GRXCR2: variants seen among roughly 807,000 people sequenced by gnomAD.
GRXCR2 encodes the protein glutaredoxin domain-containing cysteine-rich protein 2.
Under a neutral mutation model 24.8 loss-of-function variants are expected in GRXCR2, and 23 were observed. The ratio of observed to expected loss-of-function variants is 0.93; its 90% CI spans 0.67 to 1.32. GRXCR2 has a LOEUF of 1.32. Among genes scored for constraint, GRXCR2 ranks in the 40% most tolerant of loss-of-function variants. GRXCR2 has a pLI of 0.00. For synonymous variants in GRXCR2, 130 were observed against 116.1 expected, an observed-to-expected ratio of 1.12 and a Z score of -0.77; for missense variants, 315 against 303.4, an observed-to-expected ratio of 1.04 and a Z score of -0.28.
intron 2 of GRXCR2, among the ~76,000 whole-genome samples, chr5:145,922,004 A>G (rs1182723042): frequency 6.6e-6 from 1 of 152,248 alleles, no homozygotes; most frequent in Non-Finnish European, 1.5e-5. Context: ...TGTCAAAAAT[A>G]TATAAACAGC....
chr5:145,887,465 T>C lies in GRXCR2; in HGVS notation c.-69-20737A>G, dbSNP rs141211524. 6.6e-3 allele frequency among the ~76,000 whole-genome samples: 1,010 copies of C among 152,334 alleles called. 10 individuals carry two copies. Among genetic ancestry groups the C allele is most frequent in the Non-Finnish European group, 8.1e-3 (548 of 68,030 alleles). Reference sequence around the variant, plus strand: ...CATTATGGAACTTTGTGGAAACATTTATTTTTTAGTACTGTACTCAAAATG... The same window carrying C: ...CATTATGGAACTTTGTGGAAACATTCATTTTTTAGTACTGTACTCAAAATG... On this transcript the variant is annotated intron_variant, in intron 2 of 3. Coordinates refer to the GRXCR2 transcript ENST00000639411.
chr5:145,890,764 CAT>C (rs373853540), intron 2 of GRXCR2, among the ~76,000 whole-genome samples: 88 of 151,374 alleles, frequency 5.8e-4, no homozygotes, highest in African/African-American at 1.9e-3. Flanking sequence ...CAAAATTTCA[CAT>C]GTTAATATTA....
upstream of GRXCR2, among the ~76,000 whole-genome samples, chr5:145,876,191 G>GTA (rs748811333): frequency 0.047 from 4,941 of 105,148 alleles, 226 homozygotes; most frequent in African/African-American, 0.12. Flanking sequence ...GTGTGTGTGT[G>GTA]TATATATATA....
rs1451130242 is a variant in GRXCR2 at position 145,859,551 on chromosome 5, C to CCA, written c.*180_*181dup. The CCA allele has an allele frequency of 2.9e-5, 18 of 615,700 alleles. No homozygotes were observed. Among genetic ancestry groups the CCA allele is most frequent in the Non-Finnish European group, 4.7e-5 (16 of 340,980 alleles). The allele number at this position is 615,700 out of a possible 1,614,324, so 38.1% of individuals were successfully genotyped here. A position where few individuals can be genotyped will look rare whatever the true frequency, so the allele number is the denominator to read the frequency against. On this transcript the variant is annotated 3_prime_UTR_variant, in exon 3 of 3. Transcript: ENST00000377976. ...TCAGAAATGCCCCTGCCACTTAGAC[C>CCA]CACAGAGAGATGTTACCGGCCTCAC...
intron 2 of GRXCR2, among the ~76,000 whole-genome samples, chr5:145,862,243 C>T (rs955995279): frequency 2.6e-5 from 4 of 152,178 alleles, no homozygotes; most frequent in African/African-American, 9.7e-5. Context: ...AACGCCAGAT[C>T]AGATATTGAA....
At chr5:145,862,012 A>G (rs1756347712) in intron 2 of GRXCR2, among the ~76,000 whole-genome samples, 1 of 152,236 alleles carries the variant, frequency 6.6e-6, no homozygotes, top group African/African-American at 2.4e-5. Context: ...GTATATTAAC[A>G]ATGGAGAATT....
intron 2 of GRXCR2, among the ~76,000 whole-genome samples, chr5:145,918,130 T>C (rs1757266145): frequency 6.6e-6 from 1 of 152,236 alleles, no homozygotes; most frequent in Non-Finnish European, 1.5e-5. Context: ...CCAGTTCCCG[T>C]GATTGCCACT....
chr5:145,877,189 GA>G (rs1262779796), upstream of GRXCR2, among the ~76,000 whole-genome samples: 3 of 151,382 alleles, frequency 2.0e-5, no homozygotes, highest in Non-Finnish European at 4.4e-5. Flanking sequence ...TTCATACTGG[GA>G]AAAAAATTGA....
intron 2 of GRXCR2, among the ~76,000 whole-genome samples, chr5:145,890,957 A>C (rs1332220506): frequency 6.6e-6 from 1 of 152,214 alleles, no homozygotes; most frequent in Non-Finnish European, 1.5e-5. Context: ...GAAATCAAGA[A>C]AAAGCAGGAG....
upstream of GRXCR2, among the ~76,000 whole-genome samples, chr5:145,875,333 G>A (rs536324955): frequency 5.3e-5 from 8 of 152,274 alleles, no homozygotes; most frequent in East Asian, 1.4e-3. Context: ...GGTGGATCAC[G>A]AGGTCAAGAG....
Position 145,898,067 on chromosome 5 carries a change from A to G in GRXCR2, c.-69-31339T>C, listed in dbSNP as rs373280756. 5.7e-4 allele frequency among the ~76,000 whole-genome samples: 86 copies of G among 152,160 alleles called. 3 individuals carry two copies. The South Asian group carries it at 0.017, about 30-fold the overall frequency. On this transcript the variant is annotated intron_variant, in intron 2 of 3. Transcript: ENST00000639411. ...ATAAACAAGACTGATAGACACTACT[A>G]GCTAGGTTGACAGAGAGAAAGAGAG...
chr5:145,859,001 C>T lies in GRXCR2; in HGVS notation c.*732G>A, dbSNP rs1756285367. The T allele has an allele frequency of 6.6e-6, 1 of 152,244 alleles. No individual in the cohort carries two copies. The highest frequency in any genetic ancestry group is 2.1e-4 in the South Asian group (1 of 4,834). The allele number at this position is 152,244 out of a possible 1,614,324, so 9.4% of individuals were successfully genotyped here. A position where few individuals can be genotyped will look rare whatever the true frequency, so the allele number is the denominator to read the frequency against. On this transcript the variant is annotated 3_prime_UTR_variant, in exon 3 of 3. Coordinates refer to ENST00000377976, the MANE Select transcript of GRXCR2 (RefSeq NM_001080516.2). ...GCTCGAAGAAGTTATATCATACACA[C>T]ATATTTGAGCACCAAATTTATCATA... is the stretch of plus-strand genomic sequence containing the variant.
chr5:145,892,425 G>C (rs889183270), intron 2 of GRXCR2, among the ~76,000 whole-genome samples: 1 of 152,166 alleles, frequency 6.6e-6, no homozygotes, highest in Non-Finnish European at 1.5e-5. Context: ...AACCAATGCA[G>C]AGAAGTCCTT....
intron 2 of GRXCR2, among the ~76,000 whole-genome samples, chr5:145,863,747 C>A (rs1298335624): frequency 6.6e-6 from 1 of 152,132 alleles, no homozygotes; most frequent in African/African-American, 2.4e-5. Context: ...ATCTTCCCTC[C>A]TCTGCCTGGG....
At chr5:145,893,106 C>A (rs1432976102) in intron 2 of GRXCR2, among the ~76,000 whole-genome samples, 1 of 152,152 alleles carries the variant, frequency 6.6e-6, no homozygotes, top group African/African-American at 2.4e-5. Context: ...ACCACCAGGC[C>A]TGCCTTACAA....
intron 2 of GRXCR2, among the ~76,000 whole-genome samples, chr5:145,897,885 A>G (rs1350173486): frequency 6.6e-6 from 1 of 152,154 alleles, no homozygotes; most frequent in Non-Finnish European, 1.5e-5. Context: ...TCAAATTAAC[A>G]ATCTAACATC....
intron 2 of GRXCR2, among the ~76,000 whole-genome samples, chr5:145,900,971 C>A (rs1456772721): frequency 6.6e-6 from 1 of 152,076 alleles, no homozygotes; most frequent in South Asian, 2.1e-4. Context: ...TAAAAAAGAA[C>A]CAAAGCATGT....
chr5:145,902,237 G>A (rs1247646366), intron 2 of GRXCR2, among the ~76,000 whole-genome samples: 1 of 152,102 alleles, frequency 6.6e-6, no homozygotes, highest in Non-Finnish European at 1.5e-5. Flanking sequence ...AGGACTACAG[G>A]CGCATGCCAC....
chr5:145,873,940 A>C (rs1756572582), upstream of GRXCR2, among the ~76,000 whole-genome samples: 1 of 152,216 alleles, frequency 6.6e-6, no homozygotes, highest in African/African-American at 2.4e-5. Flanking sequence ...TCATGCTTAG[A>C]GAGCAAACTG....
Sources: allele counts gnomAD v4.1 joint callset (sites outside exome capture counted in the v4.1 genomes callset), GRCh38; gene constraint gnomAD v4.1.1; transcripts MANE v1.5; gene names NCBI Gene and HGNC (gene_info 2026-07-23, HGNC 2026-07-21).